Variants in BTBD3 observed in about 807,000 individuals in gnomAD.
BTBD3 encodes the protein BTB domain containing 3.
BTBD3 carries 14 observed loss-of-function variants against 41.6 expected under a neutral mutation model. That is an observed-to-expected ratio of 0.34 (90% CI 0.22 to 0.53). BTBD3 has a LOEUF of 0.53. Ranked by LOEUF, BTBD3 falls within the 20% of genes least tolerant of loss-of-function variation. The pLI, the probability that BTBD3 is intolerant of heterozygous loss-of-function variation, is 0.95. For missense variants in BTBD3, 426 were observed against 654.7 expected (o/e 0.65, Z 3.81); for synonymous variants, 249 against 233.7 (o/e 1.07, Z -0.60).
intron 1 of BTBD3, among the ~76,000 whole-genome samples, chr20:11,908,370 CT>C (rs561386480): frequency 9.3e-6 from 1 of 107,452 alleles, no homozygotes; most frequent in Non-Finnish European, 1.8e-5. Context: ...AGTTGCCACT[CT>C]TTGAAGATGT....
intron 1 of BTBD3, among the ~76,000 whole-genome samples, chr20:11,901,487 C>G (rs1015543211): frequency 6.6e-6 from 1 of 152,154 alleles, no homozygotes; most frequent in Non-Finnish European, 1.5e-5. Context: ...GACTTCCTTA[C>G]CCTTCCCCAA....
In BTBD3 at chr20:11,919,401, G is replaced by A. The variant is rs2056946132; in HGVS notation, c.417+225G>A. ...TCACACATCCCCTCTTAACTCTCCA[G>A]ACATGGGAAGTTGTTGTGACAGGTC... is the stretch of plus-strand genomic sequence containing the variant. On this transcript the variant is annotated intron_variant, in intron 2 of 3. Transcript: ENST00000378226. The A allele has an allele frequency of 5.0e-6, 7 of 1,407,034 alleles. No individual in the cohort carries two copies. The Admixed American group carries it at 1.8e-4, about 36-fold the overall frequency. 87.2% of individuals were successfully genotyped at this position (1,407,034 alleles called of 1,614,324 possible). A position where few individuals can be genotyped will look rare whatever the true frequency, so the allele number is the denominator to read the frequency against.
chr20:11,899,843 A>G (rs1455772310), intron 1 of BTBD3, among the ~76,000 whole-genome samples: 1 of 152,254 alleles, frequency 6.6e-6, no homozygotes, highest in Non-Finnish European at 1.5e-5. Context: ...CAAGAAAAAA[A>G]AGATGATTAT....
At chr20:11,891,595 T>G (rs1452613240) in intron 1 of BTBD3, 1 of 152,266 alleles carries the variant, frequency 6.6e-6, no homozygotes, top group Admixed American at 6.5e-5. Flanking sequence ...CTCCGAGTTC[T>G]GAGTGGCATT....
chr20:11,902,317 A>G (rs1354073628), intron 1 of BTBD3, among the ~76,000 whole-genome samples: 3 of 152,228 alleles, frequency 2.0e-5, no homozygotes, highest in Admixed American at 6.5e-5. Flanking sequence ...TGTTTACAAG[A>G]TGAATCATCT....
intron 1 of BTBD3, among the ~76,000 whole-genome samples, chr20:11,906,790 A>G (rs1405470088): frequency 1.3e-5 from 2 of 152,064 alleles, no homozygotes; most frequent in East Asian, 1.9e-4. Context: ...GGAGGCATGC[A>G]TTTTCCTACT....
intron 1 of BTBD3, among the ~76,000 whole-genome samples, chr20:11,896,047 T>C (rs149852030): frequency 1.3e-5 from 2 of 152,156 alleles, no homozygotes; most frequent in Non-Finnish European, 2.9e-5. Context: ...GTGTTAAATT[T>C]ACCGTCTTAA....
intron 3 of BTBD3, among the ~76,000 whole-genome samples, chr20:11,921,046 A>T (rs1288547726): frequency 6.6e-6 from 1 of 152,168 alleles, no homozygotes; most frequent in Non-Finnish European, 1.5e-5. Flanking sequence ...AATCTTTTGG[A>T]GATATATGTA....
intron 1 of BTBD3, among the ~76,000 whole-genome samples, chr20:11,905,724 A>G (rs139870427): frequency 1.1e-3 from 174 of 152,312 alleles, no homozygotes; most frequent in African/African-American, 3.9e-3. Context: ...AATAGTAATA[A>G]AAGTTACAGA....
chr20:11,923,851 A>G lies in BTBD3; in HGVS notation c.*185A>G. On this transcript the variant is annotated 3_prime_UTR_variant, in exon 4 of 4. Coordinates refer to ENST00000378226, the MANE Select transcript of BTBD3 (RefSeq NM_014962.4). The surrounding 1 kb of genome is among the most constrained non-coding windows in gnomAD (Gnocchi z 5.3). ...GGCAAAAATGCAGCATTCCGCTTTT[A>G]ACTATCTGCTTAAAAGAGCTAACGT... 1.7e-6 allele frequency: 1 copy of G among 603,082 alleles called. No individual in the cohort carries two copies. The highest frequency in any genetic ancestry group is 2.3e-5 in the South Asian group (1 of 43,678). 37.4% of individuals were successfully genotyped at this position (603,082 alleles called of 1,614,324 possible). A position where few individuals can be genotyped will look rare whatever the true frequency, so the allele number is the denominator to read the frequency against.
At chr20:11,911,899 C>T (rs768491196) in intron 1 of BTBD3, among the ~76,000 whole-genome samples, 4 of 152,104 alleles carry the variant, frequency 2.6e-5, no homozygotes, top group African/African-American at 4.8e-5. Flanking sequence ...CACACTGAGA[C>T]ACAGTGTGTA....
At chr20:11,902,911 T>G (rs948705634) in intron 1 of BTBD3, among the ~76,000 whole-genome samples, 1 of 152,146 alleles carries the variant, frequency 6.6e-6, no homozygotes, top group East Asian at 1.9e-4. Context: ...TTAAAAAAAT[T>G]TCAATATATC....
intron 3 of BTBD3, among the ~76,000 whole-genome samples, chr20:11,920,993 G>A (rs2056965759): frequency 6.6e-6 from 1 of 152,206 alleles, no homozygotes; most frequent in South Asian, 2.1e-4. Flanking sequence ...GTGAGCATGT[G>A]AAGTACCAAA....
chr20:11,906,909 A>C (rs1430618999), intron 1 of BTBD3, among the ~76,000 whole-genome samples: 1 of 152,212 alleles, frequency 6.6e-6, no homozygotes, highest in Non-Finnish European at 1.5e-5. Context: ...ACATTTCAGG[A>C]CCACATTAGA....
At chr20:11,891,030 C>G in intron 1 of BTBD3, 1 of 950,350 alleles carries the variant, frequency 1.1e-6, no homozygotes, top group Non-Finnish European at 1.3e-6. Flanking sequence ...GGCAGGGGCG[C>G]GCGCCCTGCG....
At chr20:11,903,216 T>TA (rs2056834057) in intron 1 of BTBD3, among the ~76,000 whole-genome samples, 1 of 152,208 alleles carries the variant, frequency 6.6e-6, no homozygotes, top group African/African-American at 2.4e-5. Context: ...GATACAATAT[T>TA]AAAATGGCAC....
rs2056931618 is a variant in BTBD3, at chr20:11,918,126, T to TG, written c.-150_-149insG. On this transcript the variant is annotated 5_prime_UTR_variant, in exon 1 of 4. The change creates a new upstream start codon in the 5' untranslated region. Coordinates refer to ENST00000378226, the MANE Select transcript of BTBD3 (RefSeq NM_014962.4). The stretch of plus-strand genomic sequence containing the variant: ...ACTTAAAGCCAGTTTCTATTCAACA[T>TG]AGTGAAAAGGTCACCTTGCCTGGCT... 2.0e-5 allele frequency: 29 copies of TG among 1,475,650 alleles called. No individual in the cohort carries two copies. Among genetic ancestry groups the TG allele is most frequent in the Non-Finnish European group, 2.6e-5 (29 of 1,125,098 alleles). The allele number at this position is 1,475,650 out of a possible 1,614,324, so 91.4% of individuals were successfully genotyped here. A position where few individuals can be genotyped will look rare whatever the true frequency, so the allele number is the denominator to read the frequency against.
At chr20:11,893,254 C>G (rs2056767175) in intron 1 of BTBD3, among the ~76,000 whole-genome samples, 1 of 152,028 alleles carries the variant, frequency 6.6e-6, no homozygotes, top group Non-Finnish European at 1.5e-5. Context: ...TCCAAAATAC[C>G]TTTAGGATTC....
chr20:11,922,671 A>T lies in BTBD3; in HGVS notation c.574A>T (p.Thr192Ser), dbSNP rs1472112269. 6.2e-7 allele frequency: 1 copy of T among 1,614,008 alleles called. No homozygotes were observed. The highest frequency in any genetic ancestry group is 1.1e-5 in the South Asian group (1 of 91,026). Residue 192 changes from threonine (T) to serine (S), a missense_variant, in exon 4 of 4, where the codon ACA (threonine) becomes TCA (serine). Coordinates refer to ENST00000378226, the MANE Select transcript of BTBD3 (RefSeq NM_014962.4). ...YCDEIDLAAD[T>S]VLATLYAAKK... ...TGATGAAATTGACTTGGCTGCTGACACAGTGCTGGCCACACTTTATGCTGC... is the reference window on the plus strand; with the variant it reads ...TGATGAAATTGACTTGGCTGCTGACTCAGTGCTGGCCACACTTTATGCTGC...
Sources: gnomAD v4.1 joint callset for allele counts (sites outside exome capture counted in the v4.1 genomes callset) on GRCh38, gnomAD v4.1.1 for gene constraint, Gnocchi (gnomAD v3.1) non-coding constraint, MANE v1.5 for transcripts, NCBI Gene and HGNC (gene_info 2026-07-23, HGNC 2026-07-21) for gene names.